CNTLN: variants seen among roughly 807,000 people sequenced by gnomAD.
CNTLN encodes the protein centlein.
A neutral mutation model predicts 180.0 loss-of-function variants in CNTLN; 212 were observed. The ratio of observed to expected loss-of-function variants is 1.18; its 90% CI spans 1.05 to 1.32. The LOEUF is 1.32. CNTLN is among the 40% of genes most tolerant of loss of function. The pLI is 0.00. For synonymous variants in CNTLN, 722 were observed against 563.1 expected (o/e 1.28, Z -3.99); for missense variants, 2,095 against 1,610.9 (o/e 1.30, Z -5.14).
At chr9:17,181,497 A>G (rs895536701) in intron 2 of CNTLN, among the ~76,000 whole-genome samples, 1 of 152,218 alleles carries the variant, frequency 6.6e-6, no homozygotes, top group Non-Finnish European at 1.5e-5. Flanking sequence ...TTGTTGTCAC[A>G]TAATTCTGAC....
At chr9:17,305,521 GT>G (rs34010980) in intron 7 of CNTLN, among the ~76,000 whole-genome samples, 88 of 147,620 alleles carry the variant, frequency 6.0e-4, no homozygotes, top group Admixed American at 1.6e-3. Flanking sequence ...CTTGAGCACT[GT>G]TTTTTTTTTT....
chr9:17,440,624 A>T (rs1323232708), intron 18 of CNTLN, among the ~76,000 whole-genome samples: 1 of 151,880 alleles, frequency 6.6e-6, no homozygotes. Flanking sequence ...ATAAGTTCAC[A>T]TAAAAAACTT....
At chr9:17,340,669 G>T (rs1285396801) in intron 10 of CNTLN, among the ~76,000 whole-genome samples, 158 bp from the exon 11 acceptor site, 1 of 152,106 alleles carries the variant, frequency 6.6e-6, no homozygotes, top group Non-Finnish European at 1.5e-5. Context: ...TGTGACTAGA[G>T]AAATTCTTTT....
At chr9:17,258,876 T>C (rs1336613390) in intron 5 of CNTLN, among the ~76,000 whole-genome samples, 1 of 146,014 alleles carries the variant, frequency 6.8e-6, no homozygotes, top group Non-Finnish European at 1.5e-5. Context: ...GATTTTGGGC[T>C]GAGACAGTGG....
chr9:17,503,110 A>G lies in CNTLN; in HGVS notation c.*458A>G, dbSNP rs1833835788. 2 of 152,394 alleles carry G rather than the reference A, an allele frequency of 1.3e-5. No individual in the cohort carries two copies. Among genetic ancestry groups the G allele is most frequent in the African/African-American group, 4.8e-5 (2 of 41,462 alleles). The allele number at this position is 152,394 out of a possible 1,614,324, so 9.4% of individuals were successfully genotyped here. A position where few individuals can be genotyped will look rare whatever the true frequency, so the allele number is the denominator to read the frequency against. On this transcript the variant is annotated 3_prime_UTR_variant, in exon 26 of 26. Coordinates refer to ENST00000380647, the MANE Select transcript of CNTLN (RefSeq NM_017738.4). ...TGTAGTATGAGCAAATATAAAATGA[A>G]GCATCATAACTTGAGCATTTATTGA...
At chr9:17,142,709 C>T (rs1818190187) in intron 1 of CNTLN, among the ~76,000 whole-genome samples, 1 of 152,150 alleles carries the variant, frequency 6.6e-6, no homozygotes. Context: ...TGGCTCTAAC[C>T]TAAGGCCAAT....
intron 18 of CNTLN, chr9:17,447,334 A>G: frequency 5.0e-6 from 1 of 200,984 alleles, no homozygotes; most frequent in Non-Finnish European, 1.1e-5. Flanking sequence ...CCCTCCCCAT[A>G]GTTGAGGTTG....
At chr9:17,333,366 C>G (rs1032052611) in intron 10 of CNTLN, among the ~76,000 whole-genome samples, 2 of 152,020 alleles carry the variant, frequency 1.3e-5, no homozygotes, top group Admixed American at 6.6e-5. Context: ...TTTTGTGTGA[C>G]TACATTGAGG....
intron 14 of CNTLN, among the ~76,000 whole-genome samples, chr9:17,390,445 T>C (rs1184768916): frequency 1.3e-5 from 2 of 151,882 alleles, no homozygotes; most frequent in Admixed American, 6.6e-5. Flanking sequence ...CATTTCACCA[T>C]GTTGGCCAGG....
chr9:17,407,041 A>G (rs1827448222), intron 15 of CNTLN, among the ~76,000 whole-genome samples: 2 of 152,256 alleles, frequency 1.3e-5, no homozygotes, highest in Admixed American at 1.3e-4. Flanking sequence ...GAGGTAAACA[A>G]TTATAGTAGA....
intron 25 of CNTLN, among the ~76,000 whole-genome samples, chr9:17,488,303 C>T (rs1200920222): frequency 6.6e-6 from 1 of 151,100 alleles, no homozygotes; most frequent in Admixed American, 6.6e-5. Context: ...CTAGACAAAG[C>T]CTTTTACACT....
chr9:17,341,637 C>T (rs1236866163), intron 11 of CNTLN, among the ~76,000 whole-genome samples: 4 of 152,146 alleles, frequency 2.6e-5, no homozygotes, highest in Admixed American at 6.5e-5. Context: ...ACACATTGGT[C>T]TGTTCTGTAG....
chr9:17,249,767 C>T (rs1826029708), intron 5 of CNTLN, among the ~76,000 whole-genome samples: 1 of 151,540 alleles, frequency 6.6e-6, no homozygotes. Flanking sequence ...ACTGTTTTAA[C>T]ATTTTTTGTC....
intron 2 of CNTLN, among the ~76,000 whole-genome samples, chr9:17,161,372 A>G (rs1264454718): frequency 1.3e-5 from 2 of 152,134 alleles, no homozygotes; most frequent in African/African-American, 4.8e-5. Flanking sequence ...ATTATATATA[A>G]ACTCTCACTT....
Position 17,179,261 on chromosome 9 carries a change from A to AG in CNTLN, c.449+35885_449+35886insG, listed in dbSNP as rs1554649148. Among the ~76,000 whole-genome samples the AG allele has an allele frequency of 4.3e-5, 6 of 138,672 alleles. No individual in the cohort carries two copies. The East Asian group carries it at 8.1e-4, about 19-fold the overall frequency. 91.0% of individuals were successfully genotyped at this position (138,672 alleles called of 152,430 possible). On this transcript the variant is annotated intron_variant, in intron 2 of 25. Coordinates refer to ENST00000380647, the MANE Select transcript of CNTLN (RefSeq NM_017738.4). ...TCCGTCTCAAAAAAAAAAAAAAAAA[A>AG]AAGAAGAAGTGTAGATTATTGATTT...
intron 8 of CNTLN, among the ~76,000 whole-genome samples, chr9:17,328,505 G>A (rs1307770263): frequency 6.6e-6 from 1 of 152,180 alleles, no homozygotes; most frequent in African/African-American, 2.4e-5. Context: ...GGGGCTGAGT[G>A]TTGACACTTC....
chr9:17,468,237 T>C (rs1831859138), intron 23 of CNTLN, among the ~76,000 whole-genome samples: 1 of 151,538 alleles, frequency 6.6e-6, no homozygotes, highest in Non-Finnish European at 1.5e-5. Flanking sequence ...CGGGGCCTAC[T>C]TGAGGGTGAG....
intron 6 of CNTLN, among the ~76,000 whole-genome samples, chr9:17,278,523 T>C (rs1042586655): frequency 1.3e-5 from 2 of 152,168 alleles, no homozygotes; most frequent in African/African-American, 4.8e-5. Flanking sequence ...TCTCATCAAA[T>C]TTATTCCTAG....
At chr9:17,338,337 G>GTTTTTTTT (rs71331486) in intron 10 of CNTLN, among the ~76,000 whole-genome samples, 39,919 of 99,610 alleles carry the variant, frequency 0.4, 10,558 homozygotes, top group East Asian at 0.57. Flanking sequence ...GCTAATTTTT[G>GTTTTTTTT]TTTTTTTTTT....
Sources: gnomAD v4.1 joint callset for allele counts (sites outside exome capture counted in the v4.1 genomes callset) on GRCh38, gnomAD v4.1.1 for gene constraint, MANE v1.5 for transcripts, NCBI Gene and HGNC (gene_info 2026-07-23, HGNC 2026-07-21) for gene names.